CADPS: variants seen among roughly 807,000 people sequenced by gnomAD.
CADPS encodes calcium dependent secretion activator.
CADPS carries 57 observed loss-of-function variants against 167.3 expected under a neutral mutation model. The ratio of observed to expected loss-of-function variants is 0.34; its 90% CI spans 0.28 to 0.42. CADPS has a LOEUF of 0.42. Among genes scored for constraint, CADPS ranks in the 20% least tolerant of loss-of-function variants. The probability of loss-of-function intolerance (pLI) is 1.00; values close to 1 mark genes in which losing one functional copy is unlikely to be tolerated. For missense variants in CADPS, 1,414 were observed against 1,738.1 expected, an observed-to-expected ratio of 0.81 and a Z score of 3.32; for synonymous variants, 676 against 635.3, an observed-to-expected ratio of 1.06 and a Z score of -0.96.
chr3:62,430,718 A>G (rs1040544756), intron 28 of CADPS, among the ~76,000 whole-genome samples: 1 of 152,034 alleles, frequency 6.6e-6, no homozygotes, highest in Non-Finnish European at 1.5e-5. Flanking sequence ...TCATATATAT[A>G]TAGATACCCG....
chr3:62,599,845 TATATATA>T (rs1562718686), intron 6 of CADPS, among the ~76,000 whole-genome samples: 2 of 8,410 alleles, frequency 2.4e-4, no homozygotes, highest in African/African-American at 6.5e-4. Flanking sequence ...ATATATTATA[TATATATA>T]ATATATATAA....
intron 9 of CADPS, among the ~76,000 whole-genome samples, chr3:62,562,543 C>T (rs1234507633): frequency 6.6e-6 from 1 of 152,100 alleles, no homozygotes; most frequent in Admixed American, 6.5e-5. Context: ...CTGTGTTGCC[C>T]AGGCTAGTCT....
intron 6 of CADPS, among the ~76,000 whole-genome samples, chr3:62,613,099 G>A (rs1224855211): frequency 6.6e-6 from 1 of 152,144 alleles, no homozygotes; most frequent in African/African-American, 2.4e-5. Context: ...TGGTGCTTGA[G>A]CTGAGACCAG....
intron 1 of CADPS, among the ~76,000 whole-genome samples, chr3:62,817,122 T>C (rs941001206): frequency 1.3e-5 from 2 of 152,142 alleles, no homozygotes; most frequent in Non-Finnish European, 2.9e-5. Flanking sequence ...ATTTAAAATA[T>C]CTCCTCTCTA....
At position 62,420,031 on chromosome 3, in the gene CADPS, T is replaced by A. The variant is rs1438475615; in HGVS notation, c.3778-16846A>T. Among the ~76,000 whole-genome samples, 1 of 152,080 alleles carries A rather than the reference T, an allele frequency of 6.6e-6. No homozygotes were observed. Among genetic ancestry groups the A allele is most frequent in the Non-Finnish European group, 1.5e-5 (1 of 68,018 alleles). ...GAGTTGCTTTCCCGGGCTGAGGTGG[T>A]TTTCATCATTACTCTCAACATACAA... On this transcript the variant is annotated intron_variant, in intron 28 of 29. Transcript: ENST00000383710. This position sits in a 1 kb window ranked among gnomAD's most constrained non-coding sequence, Gnocchi z 4.1.
At chr3:62,629,757 G>GTTTTGTTTTT (rs2064895492) in intron 6 of CADPS, among the ~76,000 whole-genome samples, 1 of 145,678 alleles carries the variant, frequency 6.9e-6, no homozygotes, top group Non-Finnish European at 1.5e-5. Context: ...CTCTGGTACA[G>GTTTTGTTTTT]TTTTTTTTTT....
Position 62,536,575 on chromosome 3 carries a change from T to C in CADPS, c.1973A>G (p.Asp658Gly). 6.2e-7 allele frequency: 1 copy of C among 1,613,116 alleles called. No individual in the cohort carries two copies. Among genetic ancestry groups the C allele is most frequent in the Non-Finnish European group, 8.5e-7 (1 of 1,179,302 alleles). The change falls in exon 12 of 30, where the codon GAT (aspartate) becomes GGT (glycine). Residue 658 changes from aspartate to glycine, a missense_variant. By Grantham distance (94) the Asp-to-Gly change is moderately conservative. Transcript: ENST00000383710. ...ATCCATGCCATGTTTTTGAGCTCTA[T>C]CTGCGTCTGTTCATTTATACATGTA... is the stretch of plus-strand genomic sequence containing the variant. The part of the protein sequence containing the change: ...LDAPISQFYA[D>G]RAQKHGMDEF...
At chr3:62,813,377 T>C (rs1018783150) in intron 1 of CADPS, among the ~76,000 whole-genome samples, 1 of 152,134 alleles carries the variant, frequency 6.6e-6, no homozygotes, top group African/African-American at 2.4e-5. Flanking sequence ...GGACTCCTTG[T>C]ACAATAAGTG....
chr3:62,468,726 A>G (rs2060227859), intron 24 of CADPS, among the ~76,000 whole-genome samples: 1 of 152,102 alleles, frequency 6.6e-6, no homozygotes, highest in Non-Finnish European at 1.5e-5. Flanking sequence ...TTCACTCCAT[A>G]CAAATATGAT....
At chr3:62,506,354 C>G (rs574539812) in intron 17 of CADPS, among the ~76,000 whole-genome samples, 1 of 152,296 alleles carries the variant, frequency 6.6e-6, no homozygotes, top group East Asian at 1.9e-4. Flanking sequence ...CCCCACTGCA[C>G]TCCAGCCTGG....
chr3:62,801,051 A>G (rs1207827558), intron 1 of CADPS, among the ~76,000 whole-genome samples: 1 of 152,118 alleles, frequency 6.6e-6, no homozygotes, highest in East Asian at 1.9e-4. Context: ...TGGTTTCCCC[A>G]CTTGCTAGTG....
At chr3:62,820,522 T>C (rs748003103) in intron 1 of CADPS, among the ~76,000 whole-genome samples, 5 of 152,174 alleles carry the variant, frequency 3.3e-5, no homozygotes, top group Non-Finnish European at 7.3e-5. Context: ...AGGCTGGTTA[T>C]GTGTTTTTAA....
chr3:62,424,356 T>C (rs1310286764), intron 28 of CADPS, among the ~76,000 whole-genome samples: 1 of 152,156 alleles, frequency 6.6e-6, no homozygotes, highest in African/African-American at 2.4e-5. Context: ...GCTAACTTTT[T>C]GTATTTTTAG....
At chr3:62,490,383 C>T (rs1576732050) in intron 21 of CADPS, among the ~76,000 whole-genome samples, 1 of 152,298 alleles carries the variant, frequency 6.6e-6, no homozygotes, top group Admixed American at 6.5e-5. Context: ...TTCAAACCAT[C>T]AAACCATAAC....
chr3:62,555,793 T>C (rs1395160371), intron 10 of CADPS, among the ~76,000 whole-genome samples: 2 of 152,122 alleles, frequency 1.3e-5, no homozygotes, highest in Admixed American at 6.6e-5. Flanking sequence ...CAGGATGGAG[T>C]GCAGCAGTGC....
intron 3 of CADPS, among the ~76,000 whole-genome samples, chr3:62,693,774 G>A (rs1223610686): frequency 1.5e-5 from 2 of 130,772 alleles, no homozygotes; most frequent in African/African-American, 5.9e-5. Context: ...GACAGAATGG[G>A]ACTCCATCTT....
intron 3 of CADPS, among the ~76,000 whole-genome samples, chr3:62,667,164 T>G (rs1397387365): frequency 1.3e-5 from 2 of 151,924 alleles, no homozygotes; most frequent in Non-Finnish European, 2.9e-5. Flanking sequence ...TTATGAGGAT[T>G]AAGTCAGATG....
chr3:62,802,594 G>A (rs551975171), intron 1 of CADPS, among the ~76,000 whole-genome samples: 2 of 152,230 alleles, frequency 1.3e-5, no homozygotes, highest in South Asian at 4.2e-4. Flanking sequence ...GATGAGGGTC[G>A]ATTTAGAGAC....
intron 6 of CADPS, among the ~76,000 whole-genome samples, chr3:62,630,758 T>C (rs2065124428): frequency 6.6e-6 from 1 of 152,132 alleles, no homozygotes; most frequent in African/African-American, 2.4e-5. Flanking sequence ...ACTTTGGGCA[T>C]AAAAAAATCA....
Sources: gnomAD v4.1 joint callset for allele counts (sites outside exome capture counted in the v4.1 genomes callset) on GRCh38, gnomAD v4.1.1 for gene constraint, Gnocchi (gnomAD v3.1) non-coding constraint, MANE v1.5 for transcripts, NCBI Gene and HGNC (gene_info 2026-07-23, HGNC 2026-07-21) for gene names.